Variants in SNAP47 observed in about 807,000 individuals in gnomAD.
SNAP47 encodes the protein synaptosomal-associated protein 47.
In SNAP47, 20 loss-of-function variants were observed where a neutral mutation model predicts 31.4. The observed-to-expected ratio is 0.64, with a 90% confidence interval of 0.45 to 0.93. The LOEUF is 0.93. SNAP47 is among the 40% of genes least tolerant of loss of function. The pLI, the probability that SNAP47 is intolerant of heterozygous loss-of-function variation, is 0.00. For missense variants in SNAP47, 492 were observed against 528.5 expected, an observed-to-expected ratio of 0.93 and a Z score of 0.68; for synonymous variants, 194 against 213.4, an observed-to-expected ratio of 0.91 and a Z score of 0.79.
chr1:227,774,967 C>G (rs1439176436), intron 4 of SNAP47, among the ~76,000 whole-genome samples: 1 of 152,230 alleles, frequency 6.6e-6, no homozygotes, highest in Admixed American at 6.5e-5. Context: ...CTGTGCACGC[C>G]TGGAGTGAGC....
upstream of SNAP47, chr1:227,733,115 G>A (rs1372877418): frequency 2.8e-6 from 4 of 1,453,076 alleles, no homozygotes; most frequent in Non-Finnish European, 2.8e-6. Context: ...ACCCACTGTG[G>A]GGTCCAGCCC....
chr1:227,768,045 AT>A (rs1239868793), intron 4 of SNAP47, among the ~76,000 whole-genome samples: 1 of 152,226 alleles, frequency 6.6e-6, no homozygotes, highest in Non-Finnish European at 1.5e-5. Context: ...AAATATCTCC[AT>A]ATGTATCATT....
chr1:227,734,302 G>A (rs973040162), upstream of SNAP47: 5 of 404,780 alleles, frequency 1.2e-5, no homozygotes, highest in Non-Finnish European at 1.7e-5. Flanking sequence ...CATCACCTGA[G>A]CTCAGGAGTT....
At chr1:227,733,420 G>A (rs1660807526), upstream of SNAP47, 2 of 1,575,782 alleles carry the variant, frequency 1.3e-6, no homozygotes, top group Admixed American at 1.9e-5. Flanking sequence ...TTACCAGGTT[G>A]TGCACCTGGT....
chr1:227,743,160 T>C (rs1327990348), intron 1 of SNAP47, among the ~76,000 whole-genome samples: 2 of 152,092 alleles, frequency 1.3e-5, no homozygotes, highest in African/African-American at 4.8e-5. Flanking sequence ...TGCAGTGAGA[T>C]ACCTGCTGCC....
chr1:227,761,607 G>A (rs1011984885), intron 3 of SNAP47, among the ~76,000 whole-genome samples: 12 of 152,208 alleles, frequency 7.9e-5, no homozygotes, highest in African/African-American at 2.9e-4. Flanking sequence ...GGAAGCAGAG[G>A]TCTTCACCCA....
intron 2 of SNAP47, among the ~76,000 whole-genome samples, chr1:227,755,330 T>C (rs1458457435): frequency 6.6e-6 from 1 of 152,072 alleles, no homozygotes; most frequent in Non-Finnish European, 1.5e-5. Flanking sequence ...CAGCCTCCCA[T>C]GTAGCTGGAC....
chr1:227,731,783 C>T (rs1410062190), upstream of SNAP47: 1 of 156,834 alleles, frequency 6.4e-6, no homozygotes, highest in Non-Finnish European at 1.4e-5. Flanking sequence ...TCCACCCCAT[C>T]TGTGGCCTCT....
upstream of SNAP47, chr1:227,733,663 G>A (rs760582075): frequency 6.2e-7 from 1 of 1,601,664 alleles, no homozygotes; most frequent in African/African-American, 1.3e-5. Context: ...AGCGGAAGAT[G>A]TCAGCATGGA....
rs1379224909 is a variant in SNAP47, at chr1:227,748,150, G to T, written c.414G>T (p.Arg138Ser). 6.2e-7 allele frequency: 1 copy of T among 1,613,690 alleles called. No individual in the cohort carries two copies. Among genetic ancestry groups the T allele is most frequent in the South Asian group, 1.1e-5 (1 of 91,038 alleles). Residue 138 changes from arginine (R) to serine (S), a missense_variant, in exon 2 of 5, where the codon AGG (arginine) becomes AGT (serine). Coordinates refer to ENST00000617596, the MANE Select transcript of SNAP47 (RefSeq NM_053052.4). ...AGAAACGCCTGGAGGACACGGCGAG[G>T]GTCCTGCACCACCAGGGCCAGCAGC... ...GSQKRLEDTA[R>S]VLHHQGQQLD...
intron 4 of SNAP47, chr1:227,775,678 G>A: frequency 9.1e-7 from 1 of 1,099,286 alleles, no homozygotes; most frequent in Non-Finnish European, 1.2e-6. Flanking sequence ...CAGCTGCTTT[G>A]TAGGTGGGCC....
chr1:227,737,820 G>A (rs1232443331), intron 1 of SNAP47, among the ~76,000 whole-genome samples: 1 of 152,146 alleles, frequency 6.6e-6, no homozygotes, highest in Non-Finnish European at 1.5e-5. Context: ...TTTGGGGATT[G>A]TGTGATTCAG....
chr1:227,773,221 T>C (rs1433513295), intron 4 of SNAP47, among the ~76,000 whole-genome samples: 2 of 149,334 alleles, frequency 1.3e-5, no homozygotes, highest in African/African-American at 5.0e-5. Flanking sequence ...CCTTCCCTTC[T>C]CAGCCTCCCA....
chr1:227,749,145 T>A (rs1662176562), intron 2 of SNAP47, among the ~76,000 whole-genome samples: 1 of 152,218 alleles, frequency 6.6e-6, no homozygotes, highest in South Asian at 2.1e-4. Flanking sequence ...ATATTATTAA[T>A]AGCCTTGTTT....
rs1664431641 is a variant in SNAP47 at position 227,780,999 on chromosome 1, G to A, written c.*326G>A. ...TCGTCTTGTCTCGGCTCCCTTTCATGGACAGACTGGCCTTCTTAGCTGTAC... is the reference window on the plus strand; with the variant it reads ...TCGTCTTGTCTCGGCTCCCTTTCATAGACAGACTGGCCTTCTTAGCTGTAC... On this transcript the variant is annotated 3_prime_UTR_variant, in exon 5 of 5. Coordinates refer to ENST00000617596, the MANE Select transcript of SNAP47 (RefSeq NM_053052.4). 1 of 331,618 alleles carries A rather than the reference G, an allele frequency of 3.0e-6. No individual in the cohort carries two copies. The highest frequency in any genetic ancestry group is 5.6e-6 in the Non-Finnish European group (1 of 178,272). 20.5% of individuals were successfully genotyped at this position (331,618 alleles called of 1,614,324 possible).
chr1:227,734,865 C>A (rs192193333), upstream of SNAP47: 1,037 of 1,607,938 alleles, frequency 6.4e-4, 8 homozygotes, highest in African/African-American at 0.012. Context: ...CCCGTCCTCA[C>A]TCCAAACCGT....
Position 227,748,023 on chromosome 1 carries a change from A to G in SNAP47, c.287A>G (p.His96Arg). 2 of 1,614,132 alleles carry G rather than the reference A, an allele frequency of 1.2e-6. No individual in the cohort carries two copies. The highest frequency in any genetic ancestry group is 2.2e-5 in the East Asian group (1 of 44,876). Residue 96 changes from histidine to arginine, a missense_variant, in exon 2 of 5, where the codon CAT becomes CGT. His to Arg is a conservative substitution (Grantham distance 29). Transcript: ENST00000617596. ...AATGTGGTCTTCAGCATCATCGAGC[A>G]TTTCTGGAGGGAGCTGCTGCTGTCT... is the stretch of plus-strand genomic sequence containing the variant. ...SRNVVFSIIEHFWRELLLSQP... is the reference protein window; with the variant it reads ...SRNVVFSIIERFWRELLLSQP...
chr1:227,747,607 C>T (rs550559656), intron 1 of SNAP47, 85 bp from the exon 2 acceptor site: 19 of 1,405,892 alleles, frequency 1.4e-5, no homozygotes, highest in East Asian at 4.6e-5. Flanking sequence ...AGCCCAGAGC[C>T]GCAGGGGAGG....
rs147261714 is a variant in SNAP47 at position 227,775,116 on chromosome 1, C to T, written c.1114-5411C>T. On this transcript the variant is annotated intron_variant, in intron 4 of 4. Transcript: ENST00000617596. ...CCGGCTAGTGCACAGACCACCTTGG[C>T]CTCCAGGAATGCAGCGGAGGGGACT... 2.6e-4 allele frequency among the ~76,000 whole-genome samples: 40 copies of T among 152,342 alleles called. No homozygotes were observed. In the East Asian group the frequency reaches 6.0e-3, roughly 23 times the overall value.
Sources: allele counts gnomAD v4.1 joint callset (sites outside exome capture counted in the v4.1 genomes callset), GRCh38; gene constraint gnomAD v4.1.1; transcripts MANE v1.5; gene names NCBI Gene and HGNC (gene_info 2026-07-23, HGNC 2026-07-21).